The following TRPM3 variants were observed in gnomAD, a reference collection of about 807,000 sequenced individuals.
TRPM3 encodes the protein long transient receptor potential channel 3.
In TRPM3, 77 loss-of-function variants were observed where a neutral mutation model predicts 181.2. That is an observed-to-expected ratio of 0.42 (90% CI 0.35 to 0.51). TRPM3 has a LOEUF of 0.51. TRPM3 is among the 20% of genes least tolerant of loss of function. TRPM3 has a pLI of 0.01. For synonymous variants in TRPM3, 745 were observed against 796.4 expected (o/e 0.94, Z 1.09); for missense variants, 1,759 against 2,196.7 (o/e 0.80, Z 3.98).
intron 1 of TRPM3, among the ~76,000 whole-genome samples, chr9:71,377,451 A>C (rs560085318): frequency 2.2e-3 from 339 of 152,098 alleles, no homozygotes; most frequent in African/African-American, 7.9e-3. Context: ...GGCCCTCTGA[A>C]ATTGTTTGCA....
At chr9:70,880,200 G>C (rs907410788) in intron 1 of TRPM3, among the ~76,000 whole-genome samples, 6 of 152,004 alleles carry the variant, frequency 3.9e-5, no homozygotes, top group African/African-American at 1.4e-4. Flanking sequence ...TATTGTAGGG[G>C]TACAGAACAT....
At chr9:70,598,728 A>T (rs4744606) in intron 20 of TRPM3, 58 bp from the exon 21 acceptor site, 57 of 1,574,418 alleles carry the variant, frequency 3.6e-5, no homozygotes, top group African/African-American at 2.8e-4. Flanking sequence ...TTTTCAGCCC[A>T]GTTGGGAAGT....
chr9:70,975,122 A>G (rs912264219), intron 1 of TRPM3, among the ~76,000 whole-genome samples: 2 of 151,950 alleles, frequency 1.3e-5, no homozygotes, highest in Non-Finnish European at 2.9e-5. Flanking sequence ...GCCATCTCAG[A>G]CTTTCAATGT....
At chr9:70,948,195 AT>A (rs1399051942) in intron 1 of TRPM3, among the ~76,000 whole-genome samples, 2 of 151,848 alleles carry the variant, frequency 1.3e-5, no homozygotes, top group Non-Finnish European at 2.9e-5. Flanking sequence ...TAAATAATAT[AT>A]CATCTTGGCT....
intron 1 of TRPM3, among the ~76,000 whole-genome samples, chr9:71,415,355 C>T (rs1428586236): frequency 6.6e-6 from 1 of 152,014 alleles, no homozygotes; most frequent in Non-Finnish European, 1.5e-5. Context: ...GTATTAGCCA[C>T]ATGAAAACAA....
At chr9:71,124,275 C>T (rs148315575), upstream of TRPM3, among the ~76,000 whole-genome samples, 86 of 151,576 alleles carry the variant, frequency 5.7e-4, 2 homozygotes, top group East Asian at 0.016. Flanking sequence ...ATAGAAGATG[C>T]CTTCCCCAGT....
At chr9:71,256,570 G>A (rs1193556990) in intron 1 of TRPM3, among the ~76,000 whole-genome samples, 1 of 152,136 alleles carries the variant, frequency 6.6e-6, no homozygotes, top group South Asian at 2.1e-4. Context: ...GCTTTAAAAA[G>A]GTGATATTTG....
At chr9:71,337,211 T>C (rs564428645) in intron 1 of TRPM3, among the ~76,000 whole-genome samples, 2 of 152,090 alleles carry the variant, frequency 1.3e-5, no homozygotes, top group Non-Finnish European at 2.9e-5. Context: ...ATATCCAGAA[T>C]GTACAAGGAA....
intron 9 of TRPM3, among the ~76,000 whole-genome samples, chr9:70,655,915 T>C (rs891609144): frequency 6.6e-6 from 1 of 152,214 alleles, no homozygotes; most frequent in African/African-American, 2.4e-5. Context: ...GCATGCCTAA[T>C]ACCTCTATGT....
chr9:71,280,240 G>A (rs1262138143), intron 1 of TRPM3, among the ~76,000 whole-genome samples: 3 of 152,144 alleles, frequency 2.0e-5, no homozygotes, highest in African/African-American at 7.2e-5. Flanking sequence ...AATGCCATAT[G>A]GTGGGTCCTG....
At chr9:71,171,018 G>C (rs2076823668) in intron 1 of TRPM3, among the ~76,000 whole-genome samples, 1 of 131,272 alleles carries the variant, frequency 7.6e-6, no homozygotes, top group Non-Finnish European at 1.7e-5. Flanking sequence ...TGGAGGTATA[G>C]GCTTATAAAC....
intron 1 of TRPM3, among the ~76,000 whole-genome samples, chr9:71,089,739 A>C (rs2065890869): frequency 6.6e-6 from 1 of 152,146 alleles, no homozygotes; most frequent in Non-Finnish European, 1.5e-5. Flanking sequence ...GAGATAGAAG[A>C]AGCTCAGTGT....
At chr9:70,874,745 C>T (rs1360223641) in intron 1 of TRPM3, among the ~76,000 whole-genome samples, 1 of 151,754 alleles carries the variant, frequency 6.6e-6, no homozygotes, top group Non-Finnish European at 1.5e-5. Flanking sequence ...TTGTTTATCT[C>T]TTTGGCCCTG....
chr9:71,211,297 A>G (rs371822465), intron 1 of TRPM3, among the ~76,000 whole-genome samples: 18 of 152,048 alleles, frequency 1.2e-4, no homozygotes, highest in East Asian at 5.8e-4. Context: ...TTTCTATTCC[A>G]GAAGATAAAA....
chr9:71,026,489 C>T (rs2056522492), intron 1 of TRPM3, among the ~76,000 whole-genome samples: 1 of 152,204 alleles, frequency 6.6e-6, no homozygotes, highest in Non-Finnish European at 1.5e-5. Flanking sequence ...CCCATGGCCA[C>T]CACCCACATT....
intron 8 of TRPM3, among the ~76,000 whole-genome samples, chr9:70,681,824 C>A (rs2065522494): frequency 1.3e-5 from 2 of 152,104 alleles, no homozygotes; most frequent in South Asian, 4.2e-4. Flanking sequence ...CATATACACC[C>A]CACTATGGTC....
intron 1 of TRPM3, among the ~76,000 whole-genome samples, chr9:71,064,397 A>G (rs1747078049): frequency 6.6e-6 from 1 of 151,570 alleles, no homozygotes; most frequent in Non-Finnish European, 1.5e-5. Context: ...AATTGTTTAC[A>G]TTACACAAGG....
At chr9:71,260,418 G>T (rs1021556598) in intron 1 of TRPM3, among the ~76,000 whole-genome samples, 1 of 152,094 alleles carries the variant, frequency 6.6e-6, no homozygotes, top group African/African-American at 2.4e-5. Flanking sequence ...ATTTTGTGAA[G>T]GAAGTCAATG....
intron 1 of TRPM3, among the ~76,000 whole-genome samples, chr9:71,276,723 A>C (rs1302509444): frequency 6.6e-6 from 1 of 152,224 alleles, no homozygotes; most frequent in Non-Finnish European, 1.5e-5. Context: ...GTAAATGAGT[A>C]AAACTTCTTT....
Sources: allele counts gnomAD v4.1 joint callset (sites outside exome capture counted in the v4.1 genomes callset), GRCh38; gene constraint gnomAD v4.1.1; transcripts MANE v1.5; gene names NCBI Gene and HGNC (gene_info 2026-07-23, HGNC 2026-07-21).